Variants in PPARGC1A observed in about 807,000 individuals in gnomAD.
The protein encoded by PPARGC1A is PPARG coactivator 1 alpha, also known as peroxisome proliferator-activated receptor gamma coactivator 1-alpha.
PPARGC1A carries 25 observed loss-of-function variants against 88.7 expected under a neutral mutation model. The observed-to-expected ratio is 0.28, with a 90% CI of 0.21 to 0.39. The LOEUF (loss-of-function observed/expected upper bound fraction) is 0.39. PPARGC1A is among the 10% of genes least tolerant of loss of function. The pLI is 1.00. For missense variants in PPARGC1A, 880 were observed against 968.7 expected, an observed-to-expected ratio of 0.91 and a Z score of 1.22; for synonymous variants, 363 against 355.6, an observed-to-expected ratio of 1.02 and a Z score of -0.24.
chr4:24,041,559 C>T, the PPARGC1A span, among the ~76,000 whole-genome samples: 3 of 152,172 alleles, frequency 2.0e-5, no homozygotes, highest in Non-Finnish European at 4.4e-5. Context: ...CATCTGCTAC[C>T]TGCCAGAATC....
the PPARGC1A span, among the ~76,000 whole-genome samples, chr4:24,105,894 G>A: frequency 1.3e-5 from 2 of 152,188 alleles, no homozygotes; most frequent in African/African-American, 4.8e-5. Flanking sequence ...TTGGCTGTGA[G>A]TCACTCACAG....
chr4:24,068,200 A>G, the PPARGC1A span, among the ~76,000 whole-genome samples: 1 of 92,288 alleles, frequency 1.1e-5, no homozygotes, highest in East Asian at 2.3e-4. Context: ...CAATGTAATC[A>G]ATGCCACGGA....
At chr4:23,953,058 T>G in the PPARGC1A span, among the ~76,000 whole-genome samples, 6 of 152,128 alleles carry the variant, frequency 3.9e-5, no homozygotes, top group Non-Finnish European at 7.4e-5. Flanking sequence ...ATAACTTACT[T>G]AGGTCTAACT....
the PPARGC1A span, among the ~76,000 whole-genome samples, chr4:24,462,861 C>T: frequency 6.6e-6 from 1 of 151,678 alleles, no homozygotes; most frequent in Non-Finnish European, 1.5e-5. Flanking sequence ...TAACAAACGT[C>T]TTTCAGGTCC....
At chr4:24,020,907 G>T in the PPARGC1A span, among the ~76,000 whole-genome samples, 1 of 152,166 alleles carries the variant, frequency 6.6e-6, no homozygotes, top group Non-Finnish European at 1.5e-5. Context: ...AACACCGAGG[G>T]TGCTGTTACG....
the PPARGC1A span, among the ~76,000 whole-genome samples, chr4:24,229,676 T>A: frequency 0.079 from 11,860 of 150,988 alleles, 658 homozygotes; most frequent in African/African-American, 0.15. Context: ...CTACATAAAA[T>A]AAAGAATAAT....
At chr4:24,250,077 GGAAA>G in the PPARGC1A span, among the ~76,000 whole-genome samples, 1 of 152,188 alleles carries the variant, frequency 6.6e-6, no homozygotes, top group African/African-American at 2.4e-5. Flanking sequence ...ATGAGACAGT[GGAAA>G]TGGGCAGGAC....
At chr4:24,055,643 C>G in the PPARGC1A span, among the ~76,000 whole-genome samples, 2 of 152,030 alleles carry the variant, frequency 1.3e-5, no homozygotes, top group Non-Finnish European at 1.5e-5. Flanking sequence ...GAAAAGTAAG[C>G]TGTTCATTTT....
chr4:23,837,365 AT>A (rs1447977092), intron 2 of PPARGC1A, among the ~76,000 whole-genome samples: 1 of 138,988 alleles, frequency 7.2e-6, no homozygotes, highest in African/African-American at 2.7e-5. Flanking sequence ...CTATTACGGA[AT>A]TTTTTTGCAC....
chr4:23,831,819 A>T, intron 2 of PPARGC1A, 68 bp from the exon 3 acceptor site: 2 of 1,284,520 alleles, frequency 1.6e-6, no homozygotes, highest in East Asian at 2.3e-5. Flanking sequence ...ATGCATCAAC[A>T]TGTTTGACCA....
the PPARGC1A span, among the ~76,000 whole-genome samples, chr4:24,024,023 G>A: frequency 2.0e-5 from 3 of 152,224 alleles, no homozygotes; most frequent in Non-Finnish European, 2.9e-5. Flanking sequence ...GGCATGATTC[G>A]CTAGTTTTTG....
At chr4:24,022,808 G>A in the PPARGC1A span, among the ~76,000 whole-genome samples, 11 of 152,270 alleles carry the variant, frequency 7.2e-5, no homozygotes, top group Admixed American at 1.3e-4. Context: ...ATATGAACCC[G>A]AAGCAAGAAA....
intron 2 of PPARGC1A, chr4:23,866,361 T>C (rs1711992542): frequency 6.6e-6 from 1 of 152,202 alleles, no homozygotes; most frequent in Non-Finnish European, 1.5e-5. Context: ...AATGTTTATT[T>C]CCATTAGACT....
At chr4:24,249,376 C>T in the PPARGC1A span, among the ~76,000 whole-genome samples, 1 of 152,088 alleles carries the variant, frequency 6.6e-6, no homozygotes. Flanking sequence ...TTCTGGTCAC[C>T]GTGACGACTA....
In PPARGC1A at chr4:23,795,647, T is replaced by G; in HGVS notation, c.*175A>C. ...TCAGCAGCTGTGTTCATGTAAACCA[T>G]TGTTGTTATTGTTGTTGTTGTTCTT... On this transcript the variant is annotated 3_prime_UTR_variant, in exon 13 of 13. Coordinates refer to ENST00000264867, the MANE Select transcript of PPARGC1A (RefSeq NM_013261.5). 1 of 550,384 alleles carries G rather than the reference T, an allele frequency of 1.8e-6. No individual in the cohort carries two copies. The highest frequency in any genetic ancestry group is 3.2e-6 in the Non-Finnish European group (1 of 313,370). 34.1% of individuals were successfully genotyped at this position (550,384 alleles called of 1,614,324 possible).
the PPARGC1A span, among the ~76,000 whole-genome samples, chr4:23,952,027 C>G: frequency 6.6e-6 from 1 of 152,032 alleles, no homozygotes; most frequent in Admixed American, 6.6e-5. Context: ...CCCTGGCCCA[C>G]GGTCACTCTG....
At chr4:23,943,380 GTTTT>G in the PPARGC1A span, among the ~76,000 whole-genome samples, 10 of 124,384 alleles carry the variant, frequency 8.0e-5, no homozygotes, top group Admixed American at 6.3e-4. Flanking sequence ...AAATTAAAAG[GTTTT>G]TTTTTTTTTT....
At chr4:24,322,224 G>T in the PPARGC1A span, among the ~76,000 whole-genome samples, 1 of 152,186 alleles carries the variant, frequency 6.6e-6, no homozygotes, top group Non-Finnish European at 1.5e-5. Context: ...TTAAATTAGT[G>T]ACTTTTGAGC....
chr4:23,907,088 C>A (rs562628243), upstream of PPARGC1A, among the ~76,000 whole-genome samples: 4 of 152,230 alleles, frequency 2.6e-5, no homozygotes, highest in South Asian at 8.3e-4. Flanking sequence ...CCAGAAGAGA[C>A]TGCCTCTCCT....
Sources: allele counts gnomAD v4.1 joint callset (sites outside exome capture counted in the v4.1 genomes callset), GRCh38; gene constraint gnomAD v4.1.1; transcripts MANE v1.5; gene names NCBI Gene and HGNC (gene_info 2026-07-23, HGNC 2026-07-21).